Variants in AOPEP observed in about 807,000 individuals in gnomAD.
AOPEP encodes aminopeptidase O (putative).
A neutral mutation model predicts 98.1 loss-of-function variants in AOPEP; 77 were observed. The observed-to-expected ratio is 0.78, with a 90% CI of 0.65 to 0.95. The LOEUF is 0.95. Ranked by LOEUF, AOPEP falls within the 40% of genes least tolerant of loss-of-function variation. The pLI is 0.00. For synonymous variants in AOPEP, 346 were observed against 365.3 expected (o/e 0.95, Z 0.60); for missense variants, 1,024 against 1,024.7 (o/e 1.00, Z 0.01).
At chr9:94,854,427 A>G (rs1432580860) in intron 5 of AOPEP, among the ~76,000 whole-genome samples, 3 of 152,158 alleles carry the variant, frequency 2.0e-5, no homozygotes, top group Non-Finnish European at 4.4e-5. Context: ...ATGATGTGCT[A>G]TTTTAAGGCT....
rs12351146 is a variant in AOPEP at position 94,915,706 on chromosome 9, C to G, written c.1365-8280C>G. Among the ~76,000 whole-genome samples, 1,103 of 152,328 alleles carry G rather than the reference C, an allele frequency of 7.2e-3. 8 individuals carry two copies. The highest frequency in any genetic ancestry group is 0.013 in the Admixed American group (193 of 15,300). On this transcript the variant is annotated intron_variant, in intron 5 of 16. Transcript: ENST00000375315. Reference sequence around the variant, plus strand: ...GTTGTACAGACCAGCCTTGCTACTTCGTGTCTGCTTTCACCAGCCCAGCAG... The same window carrying G: ...GTTGTACAGACCAGCCTTGCTACTTGGTGTCTGCTTTCACCAGCCCAGCAG...
chr9:95,083,152 T>G, intron 16 of AOPEP: 1 of 177,104 alleles, frequency 5.6e-6, no homozygotes, highest in South Asian at 1.3e-4. Context: ...AAGCCTAGCT[T>G]CTGCAAGCAG....
At chr9:95,096,774 A>C in the AOPEP span, among the ~76,000 whole-genome samples, 1 of 152,208 alleles carries the variant, frequency 6.6e-6, no homozygotes. Flanking sequence ...TGAGAACCTC[A>C]CACCAAAGTA....
intron 6 of AOPEP, 121 bp from the exon 7 acceptor site, chr9:94,928,304 G>A (rs2054697396): frequency 1.4e-6 from 1 of 700,800 alleles, no homozygotes; most frequent in Admixed American, 2.7e-5. Flanking sequence ...TCTGATGGAA[G>A]CAAGGTGAGA....
chr9:94,995,496 A>G (rs1156514751), intron 11 of AOPEP, among the ~76,000 whole-genome samples: 1 of 152,152 alleles, frequency 6.6e-6, no homozygotes, highest in Non-Finnish European at 1.5e-5. Context: ...TGGATTTCCT[A>G]TGACACCATG....
In AOPEP at chr9:95,061,850, A is replaced by G. The variant is rs2067343739; in HGVS notation, c.2232+1040A>G. ...TTTTACCCACCTGAGCATAGACCAA[A>G]TTTACAACTGTTGCTGTTTATTTCA... On this transcript the variant is annotated intron_variant, in intron 14 of 16. Transcript: ENST00000375315. 3.9e-5 allele frequency among the ~76,000 whole-genome samples: 6 copies of G among 152,344 alleles called. No homozygotes were observed. In the South Asian group the frequency reaches 1.2e-3, roughly 32 times the overall value.
At chr9:94,756,688 C>T (rs974291432) in intron 1 of AOPEP, among the ~76,000 whole-genome samples, 2 of 152,016 alleles carry the variant, frequency 1.3e-5, no homozygotes, top group African/African-American at 4.8e-5. Context: ...TGCCTTTATC[C>T]TAAGGGAGGT....
At chr9:94,815,147 A>T (rs1412817305) in intron 5 of AOPEP, among the ~76,000 whole-genome samples, 1 of 152,182 alleles carries the variant, frequency 6.6e-6, no homozygotes, top group South Asian at 2.1e-4. Context: ...GGCTTAGGAA[A>T]CAACACTGCC....
chr9:94,817,224 C>T (rs1043897905), intron 5 of AOPEP, among the ~76,000 whole-genome samples: 8 of 152,162 alleles, frequency 5.3e-5, no homozygotes, highest in African/African-American at 1.7e-4. Flanking sequence ...AGGCTGGTCG[C>T]GAACTCCTGG....
chr9:94,791,408 C>G (rs1845683131), intron 3 of AOPEP, among the ~76,000 whole-genome samples: 1 of 151,910 alleles, frequency 6.6e-6, no homozygotes, highest in Non-Finnish European at 1.5e-5. Context: ...TAGCTCAAGC[C>G]TGTAATTCCA....
intron 13 of AOPEP, among the ~76,000 whole-genome samples, chr9:95,012,911 A>T (rs1259229882): frequency 2.5e-5 from 2 of 79,594 alleles, no homozygotes; most frequent in African/African-American, 1.0e-4. Flanking sequence ...TCAGGTTTTT[A>T]TTTATTTTGT....
At chr9:94,812,525 A>G (rs1044432343) in intron 5 of AOPEP, among the ~76,000 whole-genome samples, 4 of 152,052 alleles carry the variant, frequency 2.6e-5, no homozygotes, top group South Asian at 4.1e-4. Flanking sequence ...TTTGGCACAC[A>G]TCCTGCCCTG....
At chr9:95,111,610 C>A in the AOPEP span, 1 of 1,614,198 alleles carries the variant, frequency 6.2e-7, no homozygotes, top group Non-Finnish European at 8.5e-7. Flanking sequence ...TGAACAGGAA[C>A]CAGCTCTCAA....
intron 14 of AOPEP, among the ~76,000 whole-genome samples, chr9:95,069,849 A>G (rs1202115161): frequency 6.6e-6 from 1 of 152,210 alleles, no homozygotes; most frequent in East Asian, 1.9e-4. Flanking sequence ...GAGCTGTAGG[A>G]ATTGACTCCA....
intron 16 of AOPEP, among the ~76,000 whole-genome samples, chr9:95,083,277 G>A (rs1319858543): frequency 4.0e-5 from 6 of 150,848 alleles, no homozygotes; most frequent in African/African-American, 7.3e-5. Context: ...TGCACCACAC[G>A]TAGCACACAC....
intron 5 of AOPEP, among the ~76,000 whole-genome samples, chr9:94,813,109 A>G (rs1409391906): frequency 1.3e-5 from 2 of 152,154 alleles, no homozygotes; most frequent in Non-Finnish European, 2.9e-5. Flanking sequence ...GTGATTGGCT[A>G]TACGTTGTTA....
the AOPEP span, chr9:95,101,683 G>T: frequency 6.2e-7 from 1 of 1,612,838 alleles, no homozygotes. Context: ...CTCACGCCGG[G>T]CACCCACACG....
chr9:94,912,764 G>A (rs534947714), intron 5 of AOPEP, among the ~76,000 whole-genome samples: 2 of 152,306 alleles, frequency 1.3e-5, no homozygotes, highest in South Asian at 2.1e-4. Flanking sequence ...TGTTAAACAC[G>A]AACATGGTGC....
chr9:94,983,856 C>G (rs1288762624), intron 11 of AOPEP, among the ~76,000 whole-genome samples: 2 of 145,276 alleles, frequency 1.4e-5, no homozygotes, highest in African/African-American at 5.0e-5. Flanking sequence ...CTCCCCTCCC[C>G]CCTCCCCCGG....
Sources: gnomAD v4.1 joint callset for allele counts (sites outside exome capture counted in the v4.1 genomes callset) on GRCh38, gnomAD v4.1.1 for gene constraint, MANE v1.5 for transcripts, NCBI Gene and HGNC (gene_info 2026-07-23, HGNC 2026-07-21) for gene names.